BBX: variants seen among roughly 807,000 people sequenced by gnomAD.
BBX encodes the protein BBX high mobility group box domain containing.
A neutral mutation model predicts 100.2 loss-of-function variants in BBX; 30 were observed. That is an observed-to-expected ratio of 0.30 (90% CI 0.22 to 0.41). The LOEUF (loss-of-function observed/expected upper bound fraction) is 0.41. BBX is among the 10% of genes least tolerant of loss of function. The pLI, the probability that BBX is intolerant of heterozygous loss-of-function variation, is 1.00. For missense variants in BBX, 1,023 were observed against 1,129.8 expected (o/e 0.91, Z 1.35); for synonymous variants, 376 against 388.1 (o/e 0.97, Z 0.37).
At chr3:107,616,005 C>CTTTTTTTTTTTTTTTCTTTTT (rs2055232043) in intron 2 of BBX, among the ~76,000 whole-genome samples, 1 of 19,218 alleles carries the variant, frequency 5.2e-5, no homozygotes, top group Non-Finnish European at 9.7e-5. Context: ...TACTCACCTG[C>CTTTTTTTTTTTTTTTCTTTTT]TTTTTTTTTT....
intron 2 of BBX, among the ~76,000 whole-genome samples, chr3:107,631,889 G>T (rs1342696166): frequency 6.6e-6 from 1 of 152,088 alleles, no homozygotes; most frequent in Non-Finnish European, 1.5e-5. Flanking sequence ...AATTATTTTT[G>T]CATATATTTA....
intron 2 of BBX, among the ~76,000 whole-genome samples, chr3:107,548,336 C>T (rs1001735239): frequency 5.3e-5 from 8 of 152,150 alleles, no homozygotes; most frequent in East Asian, 1.9e-4. Context: ...TTTCGTTAGA[C>T]GTGTTTAGCG....
intron 2 of BBX, among the ~76,000 whole-genome samples, chr3:107,638,207 A>G (rs2056966163): frequency 1.3e-5 from 2 of 151,720 alleles, no homozygotes; most frequent in South Asian, 4.1e-4. Context: ...GTACATCACT[A>G]TGCCCAGCAA....
rs144013167 is a variant in BBX at position 107,558,763 on chromosome 3, G to A, written c.-84+32365G>A. Reference sequence around the variant, plus strand: ...CTTAAAGTTCCACAGCTAGTAGTGGGATTTGAATTCAAGCAGCCTAGCACC... The same window carrying A: ...CTTAAAGTTCCACAGCTAGTAGTGGAATTTGAATTCAAGCAGCCTAGCACC... On this transcript the variant is annotated intron_variant, in intron 2 of 17. Coordinates refer to ENST00000325805, the MANE Select transcript of BBX (RefSeq NM_001142568.3). Among the ~76,000 whole-genome samples, 1,108 of 152,228 alleles carry A rather than the reference G, an allele frequency of 7.3e-3. 9 individuals carry two copies. Among genetic ancestry groups the A allele is most frequent in the African/African-American group, 0.025 (1,039 of 41,538 alleles).
rs530724686 is a variant in BBX, at chr3:107,569,545, G to A, written c.-84+43147G>A. On this transcript the variant is annotated intron_variant, in intron 2 of 17. Transcript: ENST00000325805. ...GTGGAAAATTACTGGGGAAAAGGGC[G>A]GCAATGAGATGTGGCTATAGCCTAG... is the stretch of plus-strand genomic sequence containing the variant. Among the ~76,000 whole-genome samples the A allele has an allele frequency of 1.6e-4, 24 of 152,200 alleles. No homozygotes were observed. In the South Asian group the frequency reaches 3.1e-3, roughly 20 times the overall value.
chr3:107,684,279 G>T (rs946117018), intron 3 of BBX, among the ~76,000 whole-genome samples: 3 of 152,078 alleles, frequency 2.0e-5, no homozygotes, highest in African/African-American at 7.2e-5. Context: ...ATCATCATTA[G>T]ACTTTTGCCT....
intron 2 of BBX, among the ~76,000 whole-genome samples, chr3:107,539,824 C>T (rs1442179135): frequency 6.6e-6 from 1 of 152,184 alleles, no homozygotes; most frequent in East Asian, 1.9e-4. Context: ...TTGAGAATCT[C>T]ACTTTGGAGA....
chr3:107,605,653 G>A (rs1182637717), intron 2 of BBX, among the ~76,000 whole-genome samples: 1 of 151,982 alleles, frequency 6.6e-6, no homozygotes, highest in African/African-American at 2.4e-5. Context: ...GAGTAATATC[G>A]TTTTGTTCTT....
intron 2 of BBX, among the ~76,000 whole-genome samples, chr3:107,597,619 T>C (rs1318294430): frequency 6.6e-6 from 1 of 152,236 alleles, no homozygotes; most frequent in African/African-American, 2.4e-5. Flanking sequence ...AGTACTTATA[T>C]AGCAGTGTTG....
At chr3:107,719,278 C>T (rs1232180901) in intron 5 of BBX, among the ~76,000 whole-genome samples, 2 of 151,970 alleles carry the variant, frequency 1.3e-5, no homozygotes, top group Non-Finnish European at 2.9e-5. Flanking sequence ...ATTCTTTCAG[C>T]ATAGTGTGTG....
intron 2 of BBX, among the ~76,000 whole-genome samples, chr3:107,575,941 C>T (rs1373376856): frequency 6.6e-6 from 1 of 152,102 alleles, no homozygotes. Context: ...GAGGCTGAGG[C>T]AGGAGAATCA....
intron 7 of BBX, among the ~76,000 whole-genome samples, chr3:107,736,247 A>T (rs1179554548): frequency 6.6e-6 from 1 of 152,082 alleles, no homozygotes; most frequent in Non-Finnish European, 1.5e-5. Flanking sequence ...AAGGAAATGG[A>T]AAGGAGTGTG....
chr3:107,728,692 TG>T (rs2063124228), intron 5 of BBX, 72 bp from the exon 6 acceptor site: 9 of 1,340,104 alleles, frequency 6.7e-6, no homozygotes, highest in Non-Finnish European at 9.3e-6. Flanking sequence ...AATAGGGGAA[TG>T]GGGTGACAGC....
intron 3 of BBX, among the ~76,000 whole-genome samples, chr3:107,680,487 G>C (rs185927918): frequency 1.6e-3 from 246 of 152,254 alleles, no homozygotes; most frequent in Non-Finnish European, 3.0e-3. Context: ...AGAGGTGACA[G>C]AGCCAAATTT....
At chr3:107,660,144 A>G (rs539357174) in intron 3 of BBX, among the ~76,000 whole-genome samples, 22 of 152,268 alleles carry the variant, frequency 1.4e-4, no homozygotes, top group Admixed American at 4.6e-4. Context: ...TGTGTGATAT[A>G]TATAGTATCA....
intron 15 of BBX, among the ~76,000 whole-genome samples, chr3:107,796,592 G>T (rs2069695572): frequency 1.3e-5 from 2 of 152,108 alleles, no homozygotes; most frequent in African/African-American, 4.8e-5. Flanking sequence ...TGTAAATTCA[G>T]ATTTTGGGCT....
intron 12 of BBX, among the ~76,000 whole-genome samples, chr3:107,775,417 A>G (rs1386501107): frequency 1.3e-5 from 2 of 152,160 alleles, no homozygotes; most frequent in Non-Finnish European, 1.5e-5. Flanking sequence ...TCAAGATAAA[A>G]TCACTTAAGA....
chr3:107,648,566 C>T (rs534641728), intron 3 of BBX, among the ~76,000 whole-genome samples: 17 of 151,982 alleles, frequency 1.1e-4, no homozygotes, highest in East Asian at 1.9e-4. Flanking sequence ...CTAGATATAA[C>T]GGGAGCCAAA....
At chr3:107,777,110 G>T (rs996804713) in intron 12 of BBX, among the ~76,000 whole-genome samples, 2 of 152,086 alleles carry the variant, frequency 1.3e-5, no homozygotes, top group Non-Finnish European at 2.9e-5. Context: ...ATGAAATCTC[G>T]TGCCATCCCA....
Sources: allele counts gnomAD v4.1 joint callset (sites outside exome capture counted in the v4.1 genomes callset), GRCh38; gene constraint gnomAD v4.1.1; transcripts MANE v1.5; gene names NCBI Gene and HGNC (gene_info 2026-07-23, HGNC 2026-07-21).